Variants in AMOTL1 observed in about 807,000 individuals in gnomAD.
AMOTL1 encodes angiomotin-like protein 1.
AMOTL1 carries 45 observed loss-of-function variants against 102.9 expected under a neutral mutation model. The ratio of observed to expected loss-of-function variants is 0.44; its 90% CI spans 0.34 to 0.56. The LOEUF (loss-of-function observed/expected upper bound fraction) is 0.56, where lower values mean the gene tolerates loss of function less well. Ranked by LOEUF, AMOTL1 falls within the 20% of genes least tolerant of loss-of-function variation. The pLI is 0.01. For synonymous variants in AMOTL1, 481 were observed against 484.7 expected (o/e 0.99, Z 0.10); for missense variants, 1,114 against 1,225.6 (o/e 0.91, Z 1.36).
At chr11:94,750,773 G>A (rs950977385) in intron 3 of AMOTL1, among the ~76,000 whole-genome samples, 3 of 152,144 alleles carry the variant, frequency 2.0e-5, no homozygotes, top group African/African-American at 4.8e-5. Context: ...ACCCTACCAC[G>A]GGGGTGTGGT....
chr11:94,739,640 C>G (rs1278316588), intron 2 of AMOTL1, among the ~76,000 whole-genome samples: 1 of 152,184 alleles, frequency 6.6e-6, no homozygotes, highest in Admixed American at 6.5e-5. Flanking sequence ...GCTGCCCAGA[C>G]TGTTGACCCT....
chr11:94,804,923 C>G (rs1319058215), intron 3 of AMOTL1, among the ~76,000 whole-genome samples: 1 of 152,166 alleles, frequency 6.6e-6, no homozygotes, highest in Non-Finnish European at 1.5e-5. Flanking sequence ...TACTTATCTT[C>G]CTTAATCTTT....
intron 6 of AMOTL1, among the ~76,000 whole-genome samples, chr11:94,849,387 G>T (rs775083758): frequency 2.0e-5 from 3 of 152,150 alleles, no homozygotes; most frequent in African/African-American, 7.2e-5. Flanking sequence ...CACTATCGAC[G>T]CTGCCTGCTT....
At chr11:94,844,108 G>A (rs1392443876) in intron 6 of AMOTL1, among the ~76,000 whole-genome samples, 1 of 152,078 alleles carries the variant, frequency 6.6e-6, no homozygotes, top group East Asian at 1.9e-4. Context: ...CATTTCTGAG[G>A]TTCATTGTTG....
chr11:94,802,820 G>A (rs993738869), intron 3 of AMOTL1, among the ~76,000 whole-genome samples: 2 of 152,192 alleles, frequency 1.3e-5, no homozygotes, highest in Non-Finnish European at 2.9e-5. Context: ...CACATTTAAC[G>A]TGGCCTGAAC....
intron 1 of AMOTL1, among the ~76,000 whole-genome samples, chr11:94,721,581 T>A (rs145403740): frequency 3.7e-4 from 57 of 152,214 alleles, no homozygotes; most frequent in African/African-American, 1.3e-3. Flanking sequence ...GAGTGCTCTG[T>A]CTTTCCACTA....
intron 1 of AMOTL1, among the ~76,000 whole-genome samples, chr11:94,785,080 G>A (rs1391464900): frequency 6.6e-6 from 1 of 152,184 alleles, no homozygotes; most frequent in Non-Finnish European, 1.5e-5. Flanking sequence ...GGAGTGCCCT[G>A]TTATTCCCTG....
At chr11:94,814,295 C>T (rs1272037774) in intron 3 of AMOTL1, among the ~76,000 whole-genome samples, 5 of 152,180 alleles carry the variant, frequency 3.3e-5, no homozygotes, top group Non-Finnish European at 7.3e-5. Context: ...GCTTAAGGGA[C>T]AGGAAAGAAT....
At chr11:94,838,597 T>C (rs1340567721) in intron 6 of AMOTL1, among the ~76,000 whole-genome samples, 1 of 152,174 alleles carries the variant, frequency 6.6e-6, no homozygotes, top group Non-Finnish European at 1.5e-5. Context: ...TTTGCTGACC[T>C]CGGTTCCAGG....
At chr11:94,718,582 T>G (rs1950130342) in intron 1 of AMOTL1, among the ~76,000 whole-genome samples, 1 of 152,000 alleles carries the variant, frequency 6.6e-6, no homozygotes, top group African/African-American at 2.4e-5. Flanking sequence ...CACCGTTTCT[T>G]GATATTAATC....
chr11:94,866,939 G>A (rs1431406409), intron 11 of AMOTL1, among the ~76,000 whole-genome samples: 2 of 152,108 alleles, frequency 1.3e-5, no homozygotes, highest in African/African-American at 2.4e-5. Flanking sequence ...GGCTGGCTGG[G>A]CTAGCCAAGC....
chr11:94,855,582 A>C (rs1354835127), intron 8 of AMOTL1, among the ~76,000 whole-genome samples: 1 of 152,156 alleles, frequency 6.6e-6, no homozygotes, highest in African/African-American at 2.4e-5. Flanking sequence ...CGGTTCTTAG[A>C]GCACATAAAG....
Position 94,768,568 on chromosome 11 carries a change from G to GC in AMOTL1, c.49+13dup. On this transcript the variant is annotated intron_variant, in intron 1 of 12. Transcript: ENST00000433060. ...GTGAGCCTGCGGTGAAAGGTAACCA[G>GC]CCCCCACTCGAGGTGCCGGGAGGGC... 1 of 1,591,014 alleles carries GC rather than the reference G, an allele frequency of 6.3e-7. No individual in the cohort carries two copies.
Position 94,821,727 on chromosome 11 carries a change from G to A in AMOTL1, c.1319G>A (p.Arg440Gln), listed in dbSNP as rs752859060. The change falls in exon 4 of 13, where the codon CGA becomes CAA. Residue 440 changes from arginine to glutamine, a missense_variant. Physicochemically the swap from Arg to Gln is conservative, Grantham distance 43. Coordinates refer to ENST00000433060, the MANE Select transcript of AMOTL1 (RefSeq NM_130847.3). Reference sequence around the variant, plus strand: ...CCAGATGCCTTTGCGATTGTGGAGCGAGCCCAGCAAATGGTGGAGATATTA... The same window carrying A: ...CCAGATGCCTTTGCGATTGTGGAGCAAGCCCAGCAAATGGTGGAGATATTA... ...LGPDAFAIVERAQQMVEILTE... is the reference protein window; with the variant it reads ...LGPDAFAIVEQAQQMVEILTE... 30 of 1,613,998 alleles carry A rather than the reference G, an allele frequency of 1.9e-5. No individual in the cohort carries two copies. The highest frequency in any genetic ancestry group is 4.4e-5 in the South Asian group (4 of 91,076).
At chr11:94,868,280 G>T (rs552071052) in intron 11 of AMOTL1, among the ~76,000 whole-genome samples, 4 of 152,232 alleles carry the variant, frequency 2.6e-5, no homozygotes, top group Admixed American at 1.3e-4. Context: ...CCAGATAAGA[G>T]AACAAATACT....
chr11:94,740,952 G>T lies in AMOTL1; in HGVS notation c.100G>T (p.Glu34Ter). The T allele has an allele frequency of 7.8e-7, 1 of 1,289,096 alleles. No homozygotes were observed. Among genetic ancestry groups the T allele is most frequent in the Non-Finnish European group, 1.0e-6 (1 of 988,700 alleles). The allele number at this position is 1,289,096 out of a possible 1,614,324, so 79.9% of individuals were successfully genotyped here. Reference sequence around the variant, plus strand: ...TTCTCCCCCAGACAGTGAGTTTGTGGAAGCCTCGCCCGCATCCTACAGCCC... The same window carrying T: ...TTCTCCCCCAGACAGTGAGTTTGTGTAAGCCTCGCCCGCATCCTACAGCCC... Residue 34 changes from glutamate (E) to a stop codon, truncating the protein, a stop_gained, in exon 3 of 5, where the codon GAA becomes TAA. Coordinates refer to the AMOTL1 transcript ENST00000299004. LOFTEE classifies it high-confidence loss of function.
intron 6 of AMOTL1, among the ~76,000 whole-genome samples, chr11:94,839,772 G>T (rs551296591): frequency 1.3e-5 from 2 of 152,268 alleles, no homozygotes; most frequent in Non-Finnish European, 2.9e-5. Context: ...GGGATTGACC[G>T]AGGATTTCAT....
At chr11:94,742,306 C>T (rs1303148745) in intron 3 of AMOTL1, among the ~76,000 whole-genome samples, 2 of 152,180 alleles carry the variant, frequency 1.3e-5, no homozygotes, top group Non-Finnish European at 2.9e-5. Context: ...TGATCTGCTC[C>T]ACGCATGTAT....
chr11:94,719,522 CT>C (rs1463624509), intron 1 of AMOTL1, among the ~76,000 whole-genome samples: 2 of 151,338 alleles, frequency 1.3e-5, no homozygotes, highest in African/African-American at 2.4e-5. Context: ...AAATTCTAGG[CT>C]AATAATCAAG....
Sources: allele counts gnomAD v4.1 joint callset (sites outside exome capture counted in the v4.1 genomes callset), GRCh38; gene constraint gnomAD v4.1.1; transcripts MANE v1.5; gene names NCBI Gene and HGNC (gene_info 2026-07-23, HGNC 2026-07-21).